Variants in RNF38 observed in about 807,000 individuals in gnomAD.
RNF38 encodes E3 ubiquitin-protein ligase RNF38.
A neutral mutation model predicts 67.2 loss-of-function variants in RNF38; 15 were observed. That is an observed-to-expected ratio of 0.22 (90% confidence interval 0.15 to 0.34). The LOEUF is 0.34. Ranked by LOEUF, RNF38 falls within the 10% of genes least tolerant of loss-of-function variation. The pLI is 1.00. For synonymous variants in RNF38, 220 were observed against 218.8 expected, an observed-to-expected ratio of 1.01 and a Z score of -0.05; for missense variants, 524 against 639.9, an observed-to-expected ratio of 0.82 and a Z score of 1.95.
At chr9:36,368,267 T>C (rs990685435) in intron 4 of RNF38, among the ~76,000 whole-genome samples, 1 of 152,208 alleles carries the variant, frequency 6.6e-6, no homozygotes, top group African/African-American at 2.4e-5. Context: ...TATTTACATA[T>C]GTAATGTTTT....
chr9:36,487,667 A>C, upstream of RNF38: 7 of 696,290 alleles, frequency 1.0e-5, no homozygotes, highest in Non-Finnish European at 1.0e-5. Flanking sequence ...GCGGCTCCCG[A>C]AGGGGGAGGA....
intron 9 of RNF38, among the ~76,000 whole-genome samples, chr9:36,350,739 T>C (rs1239657716): frequency 6.6e-6 from 1 of 152,228 alleles, no homozygotes; most frequent in African/African-American, 2.4e-5. Flanking sequence ...GTATTACATA[T>C]TCAAATATCC....
At chr9:36,465,894 C>CA (rs1347150058) in intron 1 of RNF38, among the ~76,000 whole-genome samples, 21 of 151,550 alleles carry the variant, frequency 1.4e-4, no homozygotes, top group Admixed American at 1.1e-3. Context: ...ACTAAAAATA[C>CA]AAAAAAAATT....
At chr9:36,341,804 A>G (rs1832855932) in intron 11 of RNF38, among the ~76,000 whole-genome samples, 1 of 2,834 alleles carries the variant, frequency 3.5e-4, no homozygotes, top group Non-Finnish European at 7.8e-4. Flanking sequence ...ATATATATAT[A>G]TATATATATA....
At chr9:36,394,069 G>A (rs1183167251) in intron 1 of RNF38, among the ~76,000 whole-genome samples, 2 of 152,200 alleles carry the variant, frequency 1.3e-5, no homozygotes, top group African/African-American at 4.8e-5. Flanking sequence ...AAGGTCAAGA[G>A]ATAGAGACCA....
intron 1 of RNF38, among the ~76,000 whole-genome samples, chr9:36,431,033 T>C (rs758045909): frequency 1.3e-5 from 2 of 152,188 alleles, no homozygotes; most frequent in African/African-American, 2.4e-5. Context: ...CCCACAAGAC[T>C]GCCTCCCACT....
At chr9:36,481,158 G>A (rs555684916) in intron 1 of RNF38, among the ~76,000 whole-genome samples, 5 of 151,800 alleles carry the variant, frequency 3.3e-5, no homozygotes, top group South Asian at 2.1e-4. Context: ...GAGATTACAC[G>A]TGCGTGCCAC....
rs374642237 is a variant in RNF38, at chr9:36,353,154, C to A, written c.1071+16G>T. The A allele has an allele frequency of 1.2e-6, 2 of 1,607,448 alleles. No homozygotes were observed. The highest frequency in any genetic ancestry group is 1.7e-4 in the Middle Eastern group (1 of 5,970). ...GCCAAAGCAAGTAATTAACATAGTACTCTGTGAAAACTTACTACTCCAAAG... is the reference window on the plus strand; with the variant it reads ...GCCAAAGCAAGTAATTAACATAGTAATCTGTGAAAACTTACTACTCCAAAG... On this transcript the variant is annotated intron_variant, in intron 7 of 11. Coordinates refer to ENST00000259605, the MANE Select transcript of RNF38 (RefSeq NM_022781.5).
At chr9:36,430,331 G>C (rs9407043) in intron 1 of RNF38, among the ~76,000 whole-genome samples, 7,734 of 152,004 alleles carry the variant, frequency 0.051, 611 homozygotes, top group African/African-American at 0.17. Context: ...CTCAGACTCC[G>C]GAGTAGCTGG....
In RNF38 at chr9:36,442,715, G is replaced by A. The variant is rs535167903; in HGVS notation, n.242-18032C>T. 8.5e-4 allele frequency among the ~76,000 whole-genome samples: 130 copies of A among 152,332 alleles called. No homozygotes were observed. The Middle Eastern group carries it at 0.017, about 20-fold the overall frequency. ...AATCACTTGAACCTGGAAAGCAGAGGTTGCAGCGAGCCGAGATCGTGCTAT... is the reference window on the plus strand; with the variant it reads ...AATCACTTGAACCTGGAAAGCAGAGATTGCAGCGAGCCGAGATCGTGCTAT... On this transcript the variant is annotated intron_variant and non_coding_transcript_variant, in intron 1 of 3. Transcript: ENST00000488058.
intron 2 of RNF38, among the ~76,000 whole-genome samples, chr9:36,381,525 C>T (rs1836212369): frequency 6.6e-6 from 1 of 152,156 alleles, no homozygotes; most frequent in Non-Finnish European, 1.5e-5. Flanking sequence ...GGACCTAAGG[C>T]CAAGCCAGAC....
At chr9:36,433,011 C>T (rs7042287) in intron 1 of RNF38, among the ~76,000 whole-genome samples, 139 of 152,076 alleles carry the variant, frequency 9.1e-4, no homozygotes, top group African/African-American at 3.3e-3. Flanking sequence ...TCTCTAGTAT[C>T]TTCCCTAACT....
intron 3 of RNF38, among the ~76,000 whole-genome samples, chr9:36,374,815 G>A (rs1026002536): frequency 6.6e-6 from 1 of 152,108 alleles, no homozygotes; most frequent in African/African-American, 2.4e-5. Flanking sequence ...GCTGGGTAAG[G>A]GTCCTAACCT....
intron 10 of RNF38, among the ~76,000 whole-genome samples, 185 bp from the exon 11 acceptor site, chr9:36,342,609 G>A (rs567780662): frequency 1.3e-5 from 2 of 152,238 alleles, no homozygotes; most frequent in East Asian, 1.9e-4. Context: ...TTTGCTGACA[G>A]ATTAGCAAGA....
intron 4 of RNF38, among the ~76,000 whole-genome samples, chr9:36,358,158 T>C (rs1834266161): frequency 6.6e-6 from 1 of 152,098 alleles, no homozygotes; most frequent in Non-Finnish European, 1.5e-5. Context: ...GGGGCTAAAC[T>C]CCTCCCTCAA....
intron 9 of RNF38, among the ~76,000 whole-genome samples, chr9:36,347,903 C>T (rs959045666): frequency 4.6e-5 from 7 of 151,826 alleles, no homozygotes; most frequent in Admixed American, 2.6e-4. Context: ...GGTGAAACCC[C>T]GTCTCTACTA....
chr9:36,368,915 AG>A, intron 4 of RNF38, among the ~76,000 whole-genome samples: 1 of 152,154 alleles, frequency 6.6e-6, no homozygotes, highest in East Asian at 1.9e-4. Context: ...GAAACTCCAC[AG>A]AAAAGACCAC....
chr9:36,408,578 G>A (rs1404773343), intron 2 of RNF38, among the ~76,000 whole-genome samples: 1 of 152,100 alleles, frequency 6.6e-6, no homozygotes, highest in African/African-American at 2.4e-5. Flanking sequence ...TAATAGCCTA[G>A]GAACTAGGCC....
intron 1 of RNF38, among the ~76,000 whole-genome samples, chr9:36,391,591 A>G (rs934793380): frequency 1.3e-5 from 2 of 151,992 alleles, no homozygotes; most frequent in African/African-American, 4.8e-5. Flanking sequence ...ATTAAACCAA[A>G]AACAAAGGCA....
Sources: gnomAD v4.1 joint callset for allele counts (sites outside exome capture counted in the v4.1 genomes callset) on GRCh38, gnomAD v4.1.1 for gene constraint, MANE v1.5 for transcripts, NCBI Gene and HGNC (gene_info 2026-07-23, HGNC 2026-07-21) for gene names.